The following VAV3 variants were observed in gnomAD, a reference collection of about 807,000 sequenced individuals.
VAV3 encodes vav guanine nucleotide exchange factor 3, also known as guanine nucleotide exchange factor VAV3.
A neutral mutation model predicts 131.2 loss-of-function variants in VAV3; 94 were observed. The observed-to-expected ratio is 0.72, with a 90% CI of 0.61 to 0.85. The LOEUF (loss-of-function observed/expected upper bound fraction) is 0.85, where lower values mean the gene tolerates loss of function less well. VAV3 is among the 40% of genes least tolerant of loss of function. VAV3 has a pLI of 0.00. For missense variants in VAV3, 939 were observed against 1,002.7 expected (o/e 0.94, Z 0.86); for synonymous variants, 349 against 342.0 (o/e 1.02, Z -0.22).
intron 7 of VAV3, among the ~76,000 whole-genome samples, chr1:107,767,262 C>T (rs546986683): frequency 6.6e-6 from 1 of 152,256 alleles, no homozygotes; most frequent in African/African-American, 2.4e-5. Context: ...CGATAAGCAA[C>T]TAATTTTCAG....
intron 2 of VAV3, among the ~76,000 whole-genome samples, chr1:107,842,125 A>G (rs1314613544): frequency 6.6e-6 from 1 of 152,158 alleles, no homozygotes; most frequent in Non-Finnish European, 1.5e-5. Flanking sequence ...CTGAAAAACA[A>G]TTTCTAGCAA....
At chr1:107,928,007 T>C (rs1057078213) in intron 1 of VAV3, among the ~76,000 whole-genome samples, 1 of 151,992 alleles carries the variant, frequency 6.6e-6, no homozygotes, top group African/African-American at 2.4e-5. Flanking sequence ...ACAGTCCCGG[T>C]GGTGGTAGCC....
chr1:107,808,971 A>C (rs1570983056), intron 2 of VAV3, among the ~76,000 whole-genome samples: 1 of 152,268 alleles, frequency 6.6e-6, no homozygotes, highest in Non-Finnish European at 1.5e-5. Flanking sequence ...ATGCCAATCG[A>C]TGAAGGCATT....
In VAV3 at chr1:107,851,966, G is replaced by A. The variant is rs76614519; in HGVS notation, c.321+22935C>T. Among the ~76,000 whole-genome samples the A allele has an allele frequency of 1.1e-3, 164 of 151,970 alleles. 1 individual carries two copies. The highest frequency in any genetic ancestry group is 3.9e-3 in the African/African-American group (160 of 41,430). On this transcript the variant is annotated intron_variant, in intron 2 of 26. Coordinates refer to ENST00000370056, the MANE Select transcript of VAV3 (RefSeq NM_006113.5). ...ATGGAAACATAATTCTCAATTTCAA[G>A]TACAATACAGTGAGATTGCTTTTAA...
intron 2 of VAV3, among the ~76,000 whole-genome samples, chr1:107,831,709 T>G (rs1668255064): frequency 6.6e-6 from 1 of 152,246 alleles, no homozygotes; most frequent in African/African-American, 2.4e-5. Context: ...AGAGCAGAGC[T>G]TATGTTTTAA....
At chr1:107,833,490 C>T (rs771781503) in intron 2 of VAV3, among the ~76,000 whole-genome samples, 4 of 152,154 alleles carry the variant, frequency 2.6e-5, no homozygotes, top group Admixed American at 6.6e-5. Context: ...AATATTATCA[C>T]GTATTTGTTC....
At chr1:107,827,938 T>C (rs1668085032) in intron 2 of VAV3, among the ~76,000 whole-genome samples, 1 of 152,292 alleles carries the variant, frequency 6.6e-6, no homozygotes, top group Non-Finnish European at 1.5e-5. Flanking sequence ...TGAGAATTAC[T>C]TGGAAGGGCC....
intron 25 of VAV3, 70 bp from the exon 26 acceptor site, chr1:107,574,268 G>C: frequency 1.3e-6 from 2 of 1,543,964 alleles, no homozygotes; most frequent in South Asian, 2.4e-5. Context: ...CTAATCAGAT[G>C]AATGTTATTG....
chr1:107,917,862 G>C (rs1038553633), intron 1 of VAV3, among the ~76,000 whole-genome samples: 1 of 151,942 alleles, frequency 6.6e-6, no homozygotes, highest in African/African-American at 2.4e-5. Flanking sequence ...TTTCCTTTGA[G>C]CCACATATTG....
intron 19 of VAV3, among the ~76,000 whole-genome samples, chr1:107,679,561 T>G (rs1282694785): frequency 6.6e-6 from 1 of 152,114 alleles, no homozygotes; most frequent in East Asian, 1.9e-4. Context: ...TGCAATAATC[T>G]AAAAACATGG....
At chr1:107,759,724 T>C (rs889897459) in intron 10 of VAV3, among the ~76,000 whole-genome samples, 1 of 152,330 alleles carries the variant, frequency 6.6e-6, no homozygotes, top group East Asian at 1.9e-4. Flanking sequence ...TTGTATTTTA[T>C]ACTTTTATAA....
chr1:107,921,310 G>A (rs544835512), intron 1 of VAV3, among the ~76,000 whole-genome samples: 1 of 152,250 alleles, frequency 6.6e-6, no homozygotes, highest in South Asian at 2.1e-4. Context: ...TCTTTAAACT[G>A]CATCACATAC....
chr1:107,777,631 C>A, intron 3 of VAV3: 1 of 311,544 alleles, frequency 3.2e-6, no homozygotes, highest in Non-Finnish European at 6.0e-6. Context: ...TCACCCACTG[C>A]AGCACCCCAA....
chr1:107,782,057 C>A (rs1048748581), intron 2 of VAV3, among the ~76,000 whole-genome samples: 1 of 152,094 alleles, frequency 6.6e-6, no homozygotes, highest in Admixed American at 6.6e-5. Context: ...TGCATCTTAT[C>A]CTAATATATC....
intron 19 of VAV3, among the ~76,000 whole-genome samples, chr1:107,674,475 T>A (rs1318073089): frequency 6.6e-6 from 1 of 152,172 alleles, no homozygotes; most frequent in African/African-American, 2.4e-5. Context: ...ACTAATGAAC[T>A]CTGAAAATCA....
intron 2 of VAV3, among the ~76,000 whole-genome samples, chr1:107,837,564 G>A (rs1668530032): frequency 6.6e-6 from 1 of 152,032 alleles, no homozygotes; most frequent in Admixed American, 6.5e-5. Flanking sequence ...AACCAAAAAA[G>A]AGCCCAAATA....
intron 2 of VAV3, among the ~76,000 whole-genome samples, chr1:107,810,675 T>C (rs1025181319): frequency 1.3e-5 from 2 of 152,110 alleles, no homozygotes; most frequent in African/African-American, 2.4e-5. Context: ...GTGTTTGAGC[T>C]GAACAATCCT....
At chr1:107,794,945 C>T (rs541128827) in intron 2 of VAV3, among the ~76,000 whole-genome samples, 57 of 152,302 alleles carry the variant, frequency 3.7e-4, no homozygotes, top group African/African-American at 1.3e-3. Flanking sequence ...GAGTATTCAG[C>T]ATTGTTCTCT....
chr1:107,855,935 T>C (rs1669446941), intron 2 of VAV3, among the ~76,000 whole-genome samples: 1 of 152,150 alleles, frequency 6.6e-6, no homozygotes, highest in Admixed American at 6.5e-5. Flanking sequence ...CAGAAAACAG[T>C]GCAGTGCTTG....
Sources: allele counts gnomAD v4.1 joint callset (sites outside exome capture counted in the v4.1 genomes callset), GRCh38; gene constraint gnomAD v4.1.1; transcripts MANE v1.5; gene names NCBI Gene and HGNC (gene_info 2026-07-23, HGNC 2026-07-21).